ZNF28: variants seen among roughly 807,000 people sequenced by gnomAD.
The protein encoded by ZNF28 is zinc finger protein 28.
In ZNF28, 5 loss-of-function variants were observed where a neutral mutation model predicts 7.2. That is an observed-to-expected ratio of 0.70 (90% confidence interval 0.36 to 1.46). The LOEUF (loss-of-function observed/expected upper bound fraction) is 1.46. Among genes scored for constraint, ZNF28 ranks in the 40% most tolerant of loss-of-function variants. ZNF28 has a pLI of 0.03. For missense variants in ZNF28, 879 were observed against 866.6 expected, an observed-to-expected ratio of 1.01 and a Z score of -0.18; for synonymous variants, 288 against 292.4, an observed-to-expected ratio of 0.99 and a Z score of 0.15.
At chr19:52,811,714 A>G (rs1437118107) in intron 2 of ZNF28, among the ~76,000 whole-genome samples, 1 of 147,224 alleles carries the variant, frequency 6.8e-6, no homozygotes, top group Non-Finnish European at 1.5e-5. Context: ...CCGTCTGGGA[A>G]GTGAGGAGCG....
chr19:52,803,593 C>CG (rs2062900602), intron 3 of ZNF28, among the ~76,000 whole-genome samples: 4 of 152,144 alleles, frequency 2.6e-5, no homozygotes. Flanking sequence ...CAGCACACAA[C>CG]ATAAGAACTG....
intron 3 of ZNF28, among the ~76,000 whole-genome samples, chr19:52,802,474 GT>G (rs2083908786): frequency 6.6e-6 from 1 of 152,136 alleles, no homozygotes; most frequent in South Asian, 2.1e-4. Flanking sequence ...CACGTCAGGA[GT>G]TTGACCAGCC....
chr19:52,798,661 G>A lies in ZNF28; in HGVS notation c.*1027C>T. 1 of 435,654 alleles carries A rather than the reference G, an allele frequency of 2.3e-6. No homozygotes were observed. The highest frequency in any genetic ancestry group is 4.6e-6 in the Non-Finnish European group (1 of 215,398). 27.0% of individuals were successfully genotyped at this position (435,654 alleles called of 1,614,324 possible). A position where few individuals can be genotyped will look rare whatever the true frequency, so the allele number is the denominator to read the frequency against. On this transcript the variant is annotated 3_prime_UTR_variant, in exon 4 of 4. Transcript: ENST00000457749. ...TTGCATAGGATGAAACTTGACTGAA[G>A]ACCTTGCCACAATCATGACATTTAT...
In ZNF28 at chr19:52,810,034, C is replaced by T. The variant is rs918901637; in HGVS notation, c.16-1901G>A. ...TTGGAGCCGGAGCCCGAAGAGGAGC[C>T]GCTCCAGCCCCGCGCCCCATGCCTG... On this transcript the variant is annotated intron_variant, in intron 2 of 3. Coordinates refer to ENST00000457749, the MANE Select transcript of ZNF28 (RefSeq NM_006969.5). 50 of 738,980 alleles carry T rather than the reference C, an allele frequency of 6.8e-5. No homozygotes were observed. In the African/African-American group the frequency reaches 7.8e-4, roughly 12 times the overall value. 45.8% of individuals were successfully genotyped at this position (738,980 alleles called of 1,614,324 possible).
Position 52,798,328 on chromosome 19 carries a change from T to G in ZNF28, c.*1360A>C, listed in dbSNP as rs1600415921. The G allele has an allele frequency of 2.5e-5, 8 of 319,024 alleles. No individual in the cohort carries two copies. The highest frequency in any genetic ancestry group is 2.2e-4 in the South Asian group (8 of 35,944). The allele number at this position is 319,024 out of a possible 1,614,324, so 19.8% of individuals were successfully genotyped here. A position where few individuals can be genotyped will look rare whatever the true frequency, so the allele number is the denominator to read the frequency against. On this transcript the variant is annotated 3_prime_UTR_variant, in exon 4 of 4. Transcript: ENST00000457749. ...TCCTCTTAACATAAACAGTTTAATG[T>G]CAATTAATGCTTAAACTCAATGTTA... is the stretch of plus-strand genomic sequence containing the variant.
In ZNF28 at chr19:52,799,944, G is replaced by C. The variant is rs2062840280; in HGVS notation, c.1901C>G (p.Pro634Arg). Residue 634 changes from proline (P) to arginine (R), a missense_variant, in exon 4 of 4, where the codon CCT becomes CGT. Coordinates refer to ENST00000457749, the MANE Select transcript of ZNF28 (RefSeq NM_006969.5). ...IHRRLHTGEK[P>R]YKCNECGKTF... ...CTTGCCACACTCATTACACTTGTAA[G>C]GTTTCTCTCCAGTATGAAGCCTACG... 2 of 1,613,822 alleles carry C rather than the reference G, an allele frequency of 1.2e-6. No individual in the cohort carries two copies. Among genetic ancestry groups the C allele is most frequent in the Non-Finnish European group, 1.7e-6 (2 of 1,179,852 alleles).
Position 52,798,480 on chromosome 19 carries a change from G to A in ZNF28, c.*1208C>T. ...AATTGTCTGATGGTCTGCAAGGAGTGATCTCGGACTGAAGACCTTACCACA... is the reference window on the plus strand; with the variant it reads ...AATTGTCTGATGGTCTGCAAGGAGTAATCTCGGACTGAAGACCTTACCACA... On this transcript the variant is annotated 3_prime_UTR_variant, in exon 4 of 4. Coordinates refer to ENST00000457749, the MANE Select transcript of ZNF28 (RefSeq NM_006969.5). 1 of 485,270 alleles carries A rather than the reference G, an allele frequency of 2.1e-6. No individual in the cohort carries two copies. The highest frequency in any genetic ancestry group is 1.6e-5 in the South Asian group (1 of 64,022). 30.1% of individuals were successfully genotyped at this position (485,270 alleles called of 1,614,324 possible).
In ZNF28 at chr19:52,811,169, C is replaced by T. The variant is rs867689446; in HGVS notation, c.16-3036G>A. 1.4e-3 allele frequency among the ~76,000 whole-genome samples: 219 copies of T among 151,090 alleles called. 2 individuals are homozygous for T. The highest frequency in any genetic ancestry group is 4.9e-3 in the African/African-American group (203 of 41,248). On this transcript the variant is annotated intron_variant, in intron 2 of 3. Transcript: ENST00000457749. Reference sequence around the variant, plus strand: ...TCGGCCTCCCGAGGTGCCGGGATTGCAGATGGAGTCTCGTTCACTCAGTGC... The same window carrying T: ...TCGGCCTCCCGAGGTGCCGGGATTGTAGATGGAGTCTCGTTCACTCAGTGC...
At chr19:52,810,780 C>CA (rs11330894) in intron 2 of ZNF28, 18 of 387,284 alleles carry the variant, frequency 4.6e-5, no homozygotes, top group South Asian at 1.8e-4. Context: ...AAAAAAAACC[C>CA]AAAAAAAACA....
At position 52,800,964 on chromosome 19, in the gene ZNF28, G is replaced by A. The variant is rs772579742; in HGVS notation, c.881C>T (p.Thr294Ile). Residue 294 changes from threonine to isoleucine, a missense_variant, in exon 4 of 4, where the codon ACT becomes ATT. Transcript: ENST00000457749. The stretch of plus-strand genomic sequence containing the variant: ...TTCACATTCATAAGGTTTGTCTGCA[G>A]TATGAAGCGCCTTGTGAAGGAAGAG... ...TSLFLHKALH[T>I]ADKPYECEEC... 6.2e-7 allele frequency: 1 copy of A among 1,614,138 alleles called. No homozygotes were observed. Among genetic ancestry groups the A allele is most frequent in the Admixed American group, 1.7e-5 (1 of 60,018 alleles).
rs1415559919 is a variant in ZNF28, at chr19:52,812,178, C to T, written c.16-4045G>A. Among the ~76,000 whole-genome samples the T allele has an allele frequency of 1.0e-4, 13 of 130,348 alleles. 1 individual carries two copies. The highest frequency in any genetic ancestry group is 8.8e-4 in the Admixed American group (12 of 13,560). The allele number at this position is 130,348 out of a possible 152,430, so 85.5% of individuals were successfully genotyped here. A position where few individuals can be genotyped will look rare whatever the true frequency, so the allele number is the denominator to read the frequency against. On this transcript the variant is annotated intron_variant, in intron 2 of 3. Transcript: ENST00000457749. ...CCCCCCGCCCGGCCAGCCGCCCCAT[C>T]TGGGAGGTGAGGGGCGCTTCTGCCC...
At position 52,800,858 on chromosome 19, in the gene ZNF28, A is replaced by C; in HGVS notation, c.987T>G (p.Cys329Trp). Residue 329 changes from cysteine (C) to tryptophan (W), a missense_variant, in exon 4 of 4, where the codon TGT becomes TGG. Transcript: ENST00000457749. ...ATGTGAAAGCTTTGTCACAAACCTTACATTTGTATGGTTTCCCTCCAGTAT... is the reference window on the plus strand; with the variant it reads ...ATGTGAAAGCTTTGTCACAAACCTTCCATTTGTATGGTTTCCCTCCAGTAT... The part of the protein sequence containing the change: ...IIYTGGKPYK[C>W]KVCDKAFTCN... The C allele has an allele frequency of 6.2e-7, 1 of 1,614,072 alleles. No homozygotes were observed. Among genetic ancestry groups the C allele is most frequent in the Non-Finnish European group, 8.5e-7 (1 of 1,179,964 alleles).
chr19:52,813,249 GAAAAAA>G (rs71183837), intron 2 of ZNF28, among the ~76,000 whole-genome samples: 14 of 62,984 alleles, frequency 2.2e-4, no homozygotes, highest in South Asian at 9.6e-4. Flanking sequence ...CTTGAATGGT[GAAAAAA>G]AAAAAAAAAA....
intron 1 of ZNF28, among the ~76,000 whole-genome samples, chr19:52,819,705 T>A (rs2063171657): frequency 1.4e-5 from 2 of 142,742 alleles, no homozygotes; most frequent in African/African-American, 5.8e-5. Context: ...GATGGACTGG[T>A]CTTATCATCC....
intron 2 of ZNF28, among the ~76,000 whole-genome samples, chr19:52,816,556 T>C (rs1157104463): frequency 6.9e-6 from 1 of 144,408 alleles, no homozygotes; most frequent in Non-Finnish European, 1.5e-5. Flanking sequence ...CCCAGCTACT[T>C]GGGAGGCTGA....
intron 2 of ZNF28, chr19:52,810,563 C>A (rs1017679544): frequency 2.2e-5 from 35 of 1,593,226 alleles, no homozygotes; most frequent in African/African-American, 4.0e-5. Context: ...CACAACAGAC[C>A]GGGGTCTTCC....
intron 3 of ZNF28, chr19:52,805,195 G>C (rs1362237934): frequency 6.6e-6 from 1 of 151,880 alleles, no homozygotes; most frequent in Non-Finnish European, 1.5e-5. Context: ...GCTTGAACCT[G>C]GGAAGTGGAG....
At chr19:52,817,442 T>C (rs2063141287) in intron 2 of ZNF28, among the ~76,000 whole-genome samples, 1 of 152,150 alleles carries the variant, frequency 6.6e-6, no homozygotes, top group Admixed American at 6.5e-5. Context: ...CCATTCTAAT[T>C]AGTAAGATTT....
Position 52,817,994 on chromosome 19 carries a change from T to A in ZNF28, c.-36A>T, listed in dbSNP as rs1311778044. 6.2e-7 allele frequency: 1 copy of A among 1,610,468 alleles called. No individual in the cohort carries two copies. Among genetic ancestry groups the A allele is most frequent in the East Asian group, 2.2e-5 (1 of 44,826 alleles). On this transcript the variant is annotated 5_prime_UTR_variant, in exon 2 of 4. Coordinates refer to ENST00000457749, the MANE Select transcript of ZNF28 (RefSeq NM_006969.5). ...TTTGCTTTCCTCTTCCTCTTCTGGGTTTCTTCCTCACGTACCAAGATTCTT... is the reference window on the plus strand; with the variant it reads ...TTTGCTTTCCTCTTCCTCTTCTGGGATTCTTCCTCACGTACCAAGATTCTT...
Sources: gnomAD v4.1 joint callset for allele counts (sites outside exome capture counted in the v4.1 genomes callset) on GRCh38, gnomAD v4.1.1 for gene constraint, MANE v1.5 for transcripts, NCBI Gene and HGNC (gene_info 2026-07-23, HGNC 2026-07-21) for gene names.